The following SDK1 variants were observed in gnomAD, a reference collection of about 807,000 sequenced individuals.
SDK1 encodes protein sidekick-1.
Under a neutral mutation model 245.5 loss-of-function variants are expected in SDK1, and 157 were observed. The ratio of observed to expected loss-of-function variants is 0.64; its 90% CI spans 0.56 to 0.73. The LOEUF (loss-of-function observed/expected upper bound fraction) is 0.73, where lower values mean the gene tolerates loss of function less well. Among genes scored for constraint, SDK1 ranks in the 30% least tolerant of loss-of-function variants. SDK1 has a pLI of 0.00. For synonymous variants in SDK1, 1,647 were observed against 1,278.5 expected, an observed-to-expected ratio of 1.29 and a Z score of -6.15; for missense variants, 3,583 against 3,002.3, an observed-to-expected ratio of 1.19 and a Z score of -4.52.
At chr7:3,302,870 G>A (rs78179942) in intron 1 of SDK1, among the ~76,000 whole-genome samples, 6,580 of 152,212 alleles carry the variant, frequency 0.043, 438 homozygotes, top group African/African-American at 0.14. Flanking sequence ...TCTGAGATTG[G>A]CGAAGATGAG....
intron 14 of SDK1, among the ~76,000 whole-genome samples, chr7:4,004,338 A>G (rs1785298253): frequency 1.3e-5 from 2 of 152,232 alleles, no homozygotes; most frequent in East Asian, 1.9e-4. Context: ...TGTAGCAAAA[A>G]CAGTAGTAGA....
At chr7:4,001,781 C>T (rs908478044) in intron 14 of SDK1, among the ~76,000 whole-genome samples, 1 of 152,190 alleles carries the variant, frequency 6.6e-6, no homozygotes, top group African/African-American at 2.4e-5. Flanking sequence ...ACTCTTTCTT[C>T]CCCCTGTTCT....
intron 19 of SDK1, among the ~76,000 whole-genome samples, chr7:4,066,122 C>T (rs938904211): frequency 6.6e-6 from 1 of 152,162 alleles, no homozygotes; most frequent in African/African-American, 2.4e-5. Context: ...GATGTCTCGT[C>T]TCTTCTCCAT....
intron 5 of SDK1, among the ~76,000 whole-genome samples, chr7:3,886,858 G>A: frequency 6.6e-6 from 1 of 152,062 alleles, no homozygotes; most frequent in East Asian, 1.9e-4. Flanking sequence ...TGAGGTTGCA[G>A]TGAGCTGTAA....
chr7:3,482,637 A>G (rs760992469), intron 1 of SDK1, among the ~76,000 whole-genome samples: 14 of 152,304 alleles, frequency 9.2e-5, no homozygotes, highest in Non-Finnish European at 1.6e-4. Context: ...CATTCCTGCT[A>G]TCCTACTGGG....
At chr7:3,549,028 A>T (rs1260376186) in intron 1 of SDK1, among the ~76,000 whole-genome samples, 1 of 152,234 alleles carries the variant, frequency 6.6e-6, no homozygotes, top group Non-Finnish European at 1.5e-5. Context: ...TTCCTCCTGC[A>T]GCCAGAGAGC....
intron 1 of SDK1, among the ~76,000 whole-genome samples, chr7:3,521,186 C>T (rs1349505645): frequency 1.3e-5 from 2 of 152,162 alleles, no homozygotes; most frequent in African/African-American, 4.8e-5. Context: ...CCATGTGACC[C>T]TGTCCAGCAA....
intron 35 of SDK1, among the ~76,000 whole-genome samples, chr7:4,197,076 G>T (rs372000485): frequency 4.6e-5 from 7 of 152,144 alleles, no homozygotes; most frequent in African/African-American, 1.7e-4. Flanking sequence ...CAATCCACAC[G>T]GGCAAACATG....
At chr7:3,909,452 T>C (rs916886634) in intron 5 of SDK1, among the ~76,000 whole-genome samples, 10 of 152,214 alleles carry the variant, frequency 6.6e-5, no homozygotes, top group Non-Finnish European at 1.2e-4. Flanking sequence ...CCTCCAGTTG[T>C]GGCCTCTGCT....
At chr7:3,587,084 G>A (rs919301861) in intron 1 of SDK1, among the ~76,000 whole-genome samples, 1 of 152,146 alleles carries the variant, frequency 6.6e-6, no homozygotes, top group African/African-American at 2.4e-5. Flanking sequence ...AGTGATTCTT[G>A]GGCATGTGTG....
At chr7:3,523,326 C>A (rs1465114464) in intron 1 of SDK1, among the ~76,000 whole-genome samples, 1 of 152,134 alleles carries the variant, frequency 6.6e-6, no homozygotes, top group Non-Finnish European at 1.5e-5. Flanking sequence ...CCTAGAGATA[C>A]AGTCTGTGCT....
chr7:3,411,833 G>A (rs1369349164), intron 1 of SDK1, among the ~76,000 whole-genome samples: 2 of 152,134 alleles, frequency 1.3e-5, no homozygotes. Context: ...GTGAGGGCTT[G>A]ATGGGGTTGG....
chr7:3,570,465 C>T (rs1041727974), intron 1 of SDK1, among the ~76,000 whole-genome samples: 19 of 152,212 alleles, frequency 1.2e-4, no homozygotes, highest in Middle Eastern at 3.4e-3. Flanking sequence ...GACGGGTACC[C>T]GTCCACAGCC....
At chr7:3,478,026 C>G (rs956425254) in intron 1 of SDK1, among the ~76,000 whole-genome samples, 3 of 152,144 alleles carry the variant, frequency 2.0e-5, no homozygotes, top group African/African-American at 7.2e-5. Flanking sequence ...TGATTTGCAA[C>G]ATACTCCTTA....
At position 3,971,556 on chromosome 7, in the gene SDK1, G is replaced by C; in HGVS notation, c.1805G>C (p.Arg602Pro). The change falls in exon 12 of 45, where the codon CGG becomes CCG. Residue 602 changes from arginine (R) to proline (P), a missense_variant. Physicochemically the swap from Arg to Pro is moderately radical, Grantham distance 103. Transcript: ENST00000404826. ...CACTGTGGTGCCACACATGACCCCC[G>C]GGTTTCACTCCGGTCAGCACAATCA... is the stretch of plus-strand genomic sequence containing the variant. The part of the protein sequence containing the change: ...TLHCGATHDP[R>P]VSLRYVWKKD... 1.2e-6 allele frequency: 2 copies of C among 1,611,288 alleles called. No homozygotes were observed. The highest frequency in any genetic ancestry group is 1.7e-6 in the Non-Finnish European group (2 of 1,178,246).
chr7:4,079,110 G>A (rs1042474432), intron 21 of SDK1, among the ~76,000 whole-genome samples: 1 of 152,200 alleles, frequency 6.6e-6, no homozygotes, highest in African/African-American at 2.4e-5. Flanking sequence ...GAGGAGCCAG[G>A]AAGAATTACA....
At chr7:3,988,006 C>T (rs930366036) in intron 14 of SDK1, among the ~76,000 whole-genome samples, 7 of 152,150 alleles carry the variant, frequency 4.6e-5, no homozygotes, top group Admixed American at 2.6e-4. Context: ...CTTGATGACT[C>T]GAACATTTGT....
intron 1 of SDK1, among the ~76,000 whole-genome samples, chr7:3,317,574 C>G (rs1188663350): frequency 1.9e-5 from 2 of 104,294 alleles, no homozygotes; most frequent in East Asian, 5.9e-4. Flanking sequence ...CTATTCCTCT[C>G]TCCATTCATT....
In SDK1 at chr7:4,026,448, G is replaced by A. The variant is rs1010470401; in HGVS notation, c.2602+9096G>A. ...TTCCTAACTGACTTCAGAGTCAGAC[G>A]ACTGGCTTCACGAGGGCCCGGTGTG... is the stretch of plus-strand genomic sequence containing the variant. On this transcript the variant is annotated intron_variant, in intron 17 of 44. Coordinates refer to ENST00000404826, the MANE Select transcript of SDK1 (RefSeq NM_152744.4). The surrounding 1 kb of genome is among the most constrained non-coding windows in gnomAD (Gnocchi z 4.1). 6.6e-6 allele frequency among the ~76,000 whole-genome samples: 1 copy of A among 152,206 alleles called. No individual in the cohort carries two copies. Among genetic ancestry groups the A allele is most frequent in the African/African-American group, 2.4e-5 (1 of 41,454 alleles).
Sources: gnomAD v4.1 joint callset for allele counts (sites outside exome capture counted in the v4.1 genomes callset) on GRCh38, gnomAD v4.1.1 for gene constraint, Gnocchi (gnomAD v3.1) non-coding constraint, MANE v1.5 for transcripts, NCBI Gene and HGNC (gene_info 2026-07-23, HGNC 2026-07-21) for gene names.